Variants in ZFAND3 observed in about 807,000 individuals in gnomAD.
ZFAND3 encodes AN1-type zinc finger protein 3.
Under a neutral mutation model 29.6 loss-of-function variants are expected in ZFAND3, and 10 were observed. The observed-to-expected ratio is 0.34, with a 90% CI of 0.21 to 0.57. The LOEUF is 0.57. ZFAND3 is among the 20% of genes least tolerant of loss of function. ZFAND3 has a pLI of 0.86. For missense variants in ZFAND3, 230 were observed against 304.5 expected, an observed-to-expected ratio of 0.76 and a Z score of 1.82; for synonymous variants, 128 against 112.6, an observed-to-expected ratio of 1.14 and a Z score of -0.87.
intron 1 of ZFAND3, among the ~76,000 whole-genome samples, chr6:37,878,835 T>G (rs1478652192): frequency 6.6e-6 from 1 of 152,208 alleles, no homozygotes; most frequent in Non-Finnish European, 1.5e-5. Context: ...TTTTGTGTCA[T>G]TTATTATATA....
chr6:38,145,062 C>T lies in ZFAND3; in HGVS notation c.530-7173C>T, dbSNP rs1021572058. 7.2e-5 allele frequency among the ~76,000 whole-genome samples: 11 copies of T among 152,294 alleles called. No individual in the cohort carries two copies. The East Asian group carries it at 2.1e-3, about 29-fold the overall frequency. The stretch of plus-strand genomic sequence containing the variant: ...GAGGGAAATGCTGGCCTGTAGGGTC[C>T]AAGGGCCTCAGCCAAGGGTAGAGGC... On this transcript the variant is annotated intron_variant, in intron 5 of 5. Coordinates refer to ENST00000287218, the MANE Select transcript of ZFAND3 (RefSeq NM_021943.3).
intron 2 of ZFAND3, among the ~76,000 whole-genome samples, chr6:37,985,544 G>A (rs1403958378): frequency 7.1e-6 from 1 of 141,418 alleles, no homozygotes; most frequent in Non-Finnish European, 1.6e-5. Context: ...CACACGCCTG[G>A]TGGCACGTGC....
intron 2 of ZFAND3, among the ~76,000 whole-genome samples, chr6:37,950,623 C>T (rs1206079401): frequency 3.3e-5 from 5 of 152,146 alleles, no homozygotes; most frequent in Admixed American, 1.3e-4. Flanking sequence ...AGGTGATCCA[C>T]CCACCTCGGC....
intron 1 of ZFAND3, among the ~76,000 whole-genome samples, chr6:37,885,237 C>G (rs1476759229): frequency 1.3e-5 from 2 of 152,110 alleles, no homozygotes; most frequent in Admixed American, 6.6e-5. Flanking sequence ...CTAAAGGTCT[C>G]TATTGAGGTG....
At chr6:38,076,517 A>C (rs56229452) in intron 3 of ZFAND3, among the ~76,000 whole-genome samples, 10,386 of 152,276 alleles carry the variant, frequency 0.068, 425 homozygotes, top group Non-Finnish European at 0.087. Context: ...CTTTTGACCC[A>C]CTTTGAAAAT....
intron 5 of ZFAND3, among the ~76,000 whole-genome samples, chr6:38,138,799 CAG>C (rs553219477): frequency 2.2e-4 from 34 of 152,160 alleles, no homozygotes; most frequent in Non-Finnish European, 4.3e-4. Context: ...GATAAACTAA[CAG>C]AGGTCAAGAA....
intron 2 of ZFAND3, among the ~76,000 whole-genome samples, chr6:38,018,738 C>T (rs1763294084): frequency 6.6e-6 from 1 of 152,134 alleles, no homozygotes; most frequent in East Asian, 1.9e-4. Flanking sequence ...TAAAACAACT[C>T]TCCAGTTATT....
At chr6:37,984,472 A>G (rs903835592) in intron 2 of ZFAND3, among the ~76,000 whole-genome samples, 4 of 152,228 alleles carry the variant, frequency 2.6e-5, no homozygotes, top group Non-Finnish European at 4.4e-5. Flanking sequence ...CTCAGGTGGT[A>G]CTAGAAAGCA....
intron 1 of ZFAND3, among the ~76,000 whole-genome samples, chr6:37,839,306 G>A (rs1490619935): frequency 5.3e-5 from 8 of 150,210 alleles, no homozygotes; most frequent in African/African-American, 2.0e-4. Flanking sequence ...TCAGCTTCCC[G>A]GGTAGCTGGG....
At chr6:37,857,138 C>T (rs1031526161) in intron 1 of ZFAND3, among the ~76,000 whole-genome samples, 13 of 152,034 alleles carry the variant, frequency 8.6e-5, no homozygotes, top group Non-Finnish European at 8.8e-5. Context: ...GGGGTTTCAC[C>T]ATGTATAGCT....
intron 1 of ZFAND3, among the ~76,000 whole-genome samples, chr6:37,825,040 C>T (rs952919279): frequency 5.9e-5 from 9 of 152,120 alleles, no homozygotes; most frequent in African/African-American, 9.7e-5. Context: ...TATTTTTTCC[C>T]TCTGAGCCCA....
rs116328585 is a variant in ZFAND3, at chr6:37,906,907, A to T, written c.72-23052A>T. Among the ~76,000 whole-genome samples, 980 of 152,226 alleles carry T rather than the reference A, an allele frequency of 6.4e-3. 12 individuals carry two copies. Among genetic ancestry groups the T allele is most frequent in the African/African-American group, 0.022 (931 of 41,554 alleles). ...TGTTGTTGAAAGCAGTCTTTTGATT[A>T]TGAAATTAATTTATGTATTCTTCTC... On this transcript the variant is annotated intron_variant, in intron 1 of 5. Coordinates refer to ENST00000287218, the MANE Select transcript of ZFAND3 (RefSeq NM_021943.3).
At position 38,154,301 on chromosome 6, in the gene ZFAND3, G is replaced by A; in HGVS notation, c.*1912G>A. On this transcript the variant is annotated 3_prime_UTR_variant, in exon 6 of 6. Transcript: ENST00000287218. ...CCCCTCCTCTGCCTGCTGCGTGGAG[G>A]CAGCCATGGGAAGGAGCCCAGGGGA... The A allele has an allele frequency of 2.0e-6, 2 of 983,958 alleles. No homozygotes were observed. Among genetic ancestry groups the A allele is most frequent in the Non-Finnish European group, 2.4e-6 (2 of 829,660 alleles). The allele number at this position is 983,958 out of a possible 1,614,324, so 61.0% of individuals were successfully genotyped here.
chr6:38,039,618 A>G (rs1451212396), intron 2 of ZFAND3, among the ~76,000 whole-genome samples: 2 of 152,216 alleles, frequency 1.3e-5, no homozygotes, highest in Admixed American at 6.5e-5. Flanking sequence ...AGTGTAAGAC[A>G]TGCAGTACAG....
At chr6:37,833,833 A>G (rs1763910680) in intron 1 of ZFAND3, among the ~76,000 whole-genome samples, 1 of 151,820 alleles carries the variant, frequency 6.6e-6, no homozygotes, top group Admixed American at 6.6e-5. Context: ...TCAAAAAAAA[A>G]AAAAAAAAAA....
chr6:37,866,842 A>G (rs1222135905), intron 1 of ZFAND3, among the ~76,000 whole-genome samples: 2 of 152,210 alleles, frequency 1.3e-5, no homozygotes, highest in Non-Finnish European at 2.9e-5. Flanking sequence ...TGGTAAGGTC[A>G]GGTAAGAACT....
intron 2 of ZFAND3, among the ~76,000 whole-genome samples, chr6:37,964,275 A>ACTAC (rs777256962): frequency 2.5e-4 from 38 of 152,318 alleles, no homozygotes; most frequent in Non-Finnish European, 4.1e-4. Context: ...GTATCACATG[A>ACTAC]CTACCCTACC....
In ZFAND3 at chr6:38,128,013, T is replaced by G. The variant is rs551787491; in HGVS notation, c.529+11274T>G. 9.8e-5 allele frequency among the ~76,000 whole-genome samples: 15 copies of G among 152,338 alleles called. No individual in the cohort carries two copies. The East Asian group carries it at 2.7e-3, about 27-fold the overall frequency. On this transcript the variant is annotated intron_variant, in intron 5 of 5. Transcript: ENST00000287218. ...AAATTCACCAGACTCTCTTAACTTCTTCTTGTTAGTTCAGCCTCTAAAACC... is the reference window on the plus strand; with the variant it reads ...AAATTCACCAGACTCTCTTAACTTCGTCTTGTTAGTTCAGCCTCTAAAACC...
At chr6:38,115,465 T>C (rs1276654492) in intron 4 of ZFAND3, among the ~76,000 whole-genome samples, 1 of 152,156 alleles carries the variant, frequency 6.6e-6, no homozygotes, top group African/African-American at 2.4e-5. Flanking sequence ...ACAGAGTCAC[T>C]TGTCTGCTAT....
Sources: allele counts gnomAD v4.1 joint callset (sites outside exome capture counted in the v4.1 genomes callset), GRCh38; gene constraint gnomAD v4.1.1; transcripts MANE v1.5; gene names NCBI Gene and HGNC (gene_info 2026-07-23, HGNC 2026-07-21).